Variants in CADPS2 observed in about 807,000 individuals in gnomAD.
The protein encoded by CADPS2 is calcium dependent secretion activator 2.
In CADPS2, 93 loss-of-function variants were observed where a neutral mutation model predicts 172.5. The ratio of observed to expected loss-of-function variants is 0.54; its 90% CI spans 0.46 to 0.64. The LOEUF (loss-of-function observed/expected upper bound fraction) is 0.64, where lower values mean the gene tolerates loss of function less well. CADPS2 is among the 30% of genes least tolerant of loss of function. The pLI is 0.00. For missense variants in CADPS2, 1,420 were observed against 1,565.9 expected (o/e 0.91, Z 1.57); for synonymous variants, 546 against 555.2 (o/e 0.98, Z 0.23).
chr7:122,713,264 C>T (rs1023153974), intron 2 of CADPS2, among the ~76,000 whole-genome samples: 1 of 150,928 alleles, frequency 6.6e-6, no homozygotes, highest in African/African-American at 2.4e-5. Flanking sequence ...TTGAATTTTG[C>T]AAGTTTAATT....
At chr7:122,474,308 T>C in intron 13 of CADPS2, 73 bp downstream of exon 13, 1 of 1,471,302 alleles carries the variant, frequency 6.8e-7, no homozygotes. Flanking sequence ...TTCTAAAATC[T>C]TTTATTCCAA....
intron 9 of CADPS2, among the ~76,000 whole-genome samples, chr7:122,491,894 G>A (rs1563495827): frequency 6.6e-6 from 1 of 152,104 alleles, no homozygotes; most frequent in Non-Finnish European, 1.5e-5. Flanking sequence ...TTTTAACAAA[G>A]TAAAAAAAGA....
chr7:122,645,673 A>ACCATTACATTTCATACATC, intron 3 of CADPS2, among the ~76,000 whole-genome samples: 1 of 91,548 alleles, frequency 1.1e-5, no homozygotes, highest in South Asian at 5.0e-4. Flanking sequence ...ATATATATAT[A>ACCATTACATTTCATACATC]TATATATATC....
At chr7:122,363,386 G>A (rs1376094680) in intron 25 of CADPS2, among the ~76,000 whole-genome samples, 3 of 152,130 alleles carry the variant, frequency 2.0e-5, no homozygotes, top group Non-Finnish European at 4.4e-5. Flanking sequence ...GTGAGTCTGT[G>A]CATACACACA....
chr7:122,347,992 G>A (rs1286764368), intron 27 of CADPS2, among the ~76,000 whole-genome samples: 1 of 152,200 alleles, frequency 6.6e-6, no homozygotes, highest in African/African-American at 2.4e-5. Flanking sequence ...TTTCAGGCAA[G>A]TATCCAGAAA....
chr7:122,837,938 C>T lies in CADPS2; in HGVS notation c.339+48061G>A, dbSNP rs1809066763. Among the ~76,000 whole-genome samples, 18 of 152,284 alleles carry T rather than the reference C, an allele frequency of 1.2e-4. No homozygotes were observed. In the South Asian group the frequency reaches 3.7e-3, roughly 32 times the overall value. ...TCCCTAACTCATTTTATGAGGCCAG[C>T]ATCATCCTGATACCAAAGCCTGGCA... On this transcript the variant is annotated intron_variant, in intron 1 of 29. Transcript: ENST00000449022.
intron 2 of CADPS2, among the ~76,000 whole-genome samples, chr7:122,710,009 C>G (rs567063409): frequency 6.7e-6 from 1 of 149,218 alleles, no homozygotes; most frequent in African/African-American, 2.5e-5. Flanking sequence ...TGTAACTAAC[C>G]TGCACATTGT....
At chr7:122,537,579 T>A (rs1053775048) in intron 8 of CADPS2, among the ~76,000 whole-genome samples, 1 of 151,660 alleles carries the variant, frequency 6.6e-6, no homozygotes, top group Non-Finnish European at 1.5e-5. Flanking sequence ...AAACAAAAAT[T>A]TCATATTAAA....
chr7:122,507,208 A>T (rs2059673409), intron 9 of CADPS2, among the ~76,000 whole-genome samples: 1 of 152,188 alleles, frequency 6.6e-6, no homozygotes, highest in African/African-American at 2.4e-5. Flanking sequence ...TGGAAAAGGC[A>T]CATTCGAAAA....
intron 1 of CADPS2, among the ~76,000 whole-genome samples, chr7:122,803,689 T>C (rs922623228): frequency 6.6e-6 from 1 of 152,132 alleles, no homozygotes; most frequent in African/African-American, 2.4e-5. Flanking sequence ...TCTTTGATGG[T>C]AGTTTGTATG....
chr7:122,779,074 A>C (rs1025802429), intron 1 of CADPS2, among the ~76,000 whole-genome samples: 16 of 152,324 alleles, frequency 1.1e-4, no homozygotes, highest in Admixed American at 2.0e-4. Context: ...GCCACCACGT[A>C]AGATGTACCT....
chr7:122,796,898 C>T (rs1286595079), intron 1 of CADPS2, among the ~76,000 whole-genome samples: 1 of 151,984 alleles, frequency 6.6e-6, no homozygotes, highest in East Asian at 1.9e-4. Context: ...AGCCTCTGCA[C>T]AGCAAACTAT....
At chr7:122,760,768 T>G (rs922683397) in intron 1 of CADPS2, among the ~76,000 whole-genome samples, 1 of 129,750 alleles carries the variant, frequency 7.7e-6, no homozygotes, top group Non-Finnish European at 1.5e-5. Context: ...ACAATGAGAA[T>G]GCATGGATAC....
intron 1 of CADPS2, among the ~76,000 whole-genome samples, chr7:122,776,025 T>C (rs1044322861): frequency 6.6e-6 from 1 of 152,192 alleles, no homozygotes; most frequent in African/African-American, 2.4e-5. Context: ...GTCTACATAA[T>C]AACAACAAAA....
intron 1 of CADPS2, among the ~76,000 whole-genome samples, chr7:122,790,872 T>C (rs750025824): frequency 6.6e-6 from 1 of 152,174 alleles, no homozygotes; most frequent in African/African-American, 2.4e-5. Flanking sequence ...ATCATTATAA[T>C]TTTTCCTATA....
intron 8 of CADPS2, among the ~76,000 whole-genome samples, chr7:122,546,549 A>ATCTT (rs10701014): frequency 0.4 from 61,208 of 151,718 alleles, 13,049 homozygotes; most frequent in African/African-American, 0.51. Context: ...ACCTCTGCTG[A>ATCTT]TCTTAAGCTT....
At chr7:122,788,129 C>A (rs1794472307) in intron 1 of CADPS2, among the ~76,000 whole-genome samples, 1 of 152,182 alleles carries the variant, frequency 6.6e-6, no homozygotes, top group South Asian at 2.1e-4. Context: ...GAGCCAGCTT[C>A]AGGGTTAATA....
chr7:122,604,508 T>C (rs1021962097), intron 6 of CADPS2, among the ~76,000 whole-genome samples: 2 of 152,112 alleles, frequency 1.3e-5, no homozygotes, highest in Non-Finnish European at 2.9e-5. Context: ...AGTTGCAGCA[T>C]CTTAGAATAA....
intron 6 of CADPS2, among the ~76,000 whole-genome samples, chr7:122,593,462 G>A (rs767021891): frequency 1.3e-5 from 2 of 151,900 alleles, no homozygotes; most frequent in Admixed American, 1.3e-4. Context: ...GAAAAGACCC[G>A]GGGCGAGCAA....
Sources: gnomAD v4.1 joint callset for allele counts (sites outside exome capture counted in the v4.1 genomes callset) on GRCh38, gnomAD v4.1.1 for gene constraint, MANE v1.5 for transcripts, NCBI Gene and HGNC (gene_info 2026-07-23, HGNC 2026-07-21) for gene names.